The following GNA14 variants were observed in gnomAD, a reference collection of about 807,000 sequenced individuals.
GNA14 encodes the protein G protein subunit alpha 14, also known as guanine nucleotide-binding protein subunit alpha-14.
In GNA14, 50 loss-of-function variants were observed where a neutral mutation model predicts 42.0. The observed-to-expected ratio is 1.19, with a 90% CI of 0.95 to 1.51. GNA14 has a LOEUF of 1.51. Among genes scored for constraint, GNA14 ranks in the 40% most tolerant of loss-of-function variants. GNA14 has a pLI of 0.00. For synonymous variants in GNA14, 173 were observed against 163.1 expected (o/e 1.06, Z -0.46); for missense variants, 473 against 446.2 (o/e 1.06, Z -0.54).
intron 1 of GNA14, among the ~76,000 whole-genome samples, chr9:77,600,681 G>A (rs1466167601): frequency 6.6e-6 from 1 of 152,210 alleles, no homozygotes; most frequent in Non-Finnish European, 1.5e-5. Flanking sequence ...ACTTTGGGAG[G>A]CCGATGTGGT....
rs10537760 is a variant in GNA14 at position 77,469,365 on chromosome 9, TAAAAAAAAAAAAA to T, written c.310-34856_310-34844del. On this transcript the variant is annotated intron_variant, in intron 2 of 6. Transcript: ENST00000341700. ...GAATTAGTCCTAGGATAAACTGTGT[TAAAAAAAAAAAAA>T]AAAAAAAAAAGAACTTTCCAGACAA... 6.0e-5 allele frequency among the ~76,000 whole-genome samples: 7 copies of T among 116,920 alleles called. No homozygotes were observed. In the South Asian group the frequency reaches 2.1e-3, roughly 34 times the overall value. The allele number at this position is 116,920 out of a possible 152,430, so 76.7% of individuals were successfully genotyped here.
intron 1 of GNA14, among the ~76,000 whole-genome samples, chr9:77,628,285 C>G (rs748512934): frequency 2.0e-5 from 3 of 150,996 alleles, no homozygotes; most frequent in Non-Finnish European, 4.5e-5. Flanking sequence ...ACGGATAGAA[C>G]CAATAATGTG....
chr9:77,611,643 C>A (rs1269681272), intron 1 of GNA14, among the ~76,000 whole-genome samples: 2 of 152,154 alleles, frequency 1.3e-5, no homozygotes, highest in African/African-American at 4.8e-5. Context: ...AAATCTCCTC[C>A]CTTTGTATTG....
At chr9:77,640,353 CCT>C (rs1015385638) in intron 1 of GNA14, among the ~76,000 whole-genome samples, 2 of 152,068 alleles carry the variant, frequency 1.3e-5, no homozygotes, top group Admixed American at 6.6e-5. Context: ...ACTGAAAATC[CCT>C]CTCTGACTTC....
At chr9:77,600,773 G>A (rs983059287) in intron 1 of GNA14, among the ~76,000 whole-genome samples, 1 of 152,186 alleles carries the variant, frequency 6.6e-6, no homozygotes, top group Non-Finnish European at 1.5e-5. Context: ...ACAAAAATTA[G>A]CAGGGCATGG....
chr9:77,536,267 C>T (rs917403944), intron 1 of GNA14, among the ~76,000 whole-genome samples: 1 of 152,070 alleles, frequency 6.6e-6, no homozygotes, highest in East Asian at 1.9e-4. Context: ...TGACGAGGCT[C>T]AATACACAGT....
intron 2 of GNA14, among the ~76,000 whole-genome samples, chr9:77,493,700 T>A (rs1291608015): frequency 6.6e-6 from 1 of 152,198 alleles, no homozygotes; most frequent in Non-Finnish European, 1.5e-5. Context: ...GTTCTCTTTT[T>A]TTAACTGAAT....
chr9:77,645,705 C>T (rs553568873), intron 1 of GNA14, among the ~76,000 whole-genome samples: 20 of 152,168 alleles, frequency 1.3e-4, no homozygotes, highest in Non-Finnish European at 2.5e-4. Flanking sequence ...TGGGTAAATG[C>T]GAGAATTTTA....
chr9:77,479,976 T>A (rs562552889), intron 2 of GNA14, among the ~76,000 whole-genome samples: 1 of 152,316 alleles, frequency 6.6e-6, no homozygotes, highest in Non-Finnish European at 1.5e-5. Context: ...TTTCTAGGTA[T>A]ACAATCATGT....
intron 2 of GNA14, among the ~76,000 whole-genome samples, chr9:77,475,712 G>A (rs1188113551): frequency 6.6e-6 from 1 of 152,146 alleles, no homozygotes; most frequent in Non-Finnish European, 1.5e-5. Flanking sequence ...CAATCATCTA[G>A]GGCACAAAAT....
intron 2 of GNA14, among the ~76,000 whole-genome samples, chr9:77,485,021 G>C (rs1401480142): frequency 1.3e-5 from 2 of 152,130 alleles, no homozygotes; most frequent in African/African-American, 2.4e-5. Context: ...GCTAAAGGTT[G>C]AGGTGATTGT....
At chr9:77,521,537 A>G (rs369671930) in intron 2 of GNA14, among the ~76,000 whole-genome samples, 2 of 152,310 alleles carry the variant, frequency 1.3e-5, no homozygotes, top group Admixed American at 6.5e-5. Context: ...TCCTTAAGAA[A>G]TTCTCCTGGA....
intron 2 of GNA14, among the ~76,000 whole-genome samples, chr9:77,493,524 A>C (rs1001707742): frequency 1.6e-4 from 24 of 152,142 alleles, no homozygotes; most frequent in African/African-American, 5.6e-4. Context: ...ATTATATATG[A>C]GTTTATGAAC....
chr9:77,567,241 T>A (rs1257646542), intron 1 of GNA14, among the ~76,000 whole-genome samples: 1 of 152,216 alleles, frequency 6.6e-6, no homozygotes, highest in Non-Finnish European at 1.5e-5. Context: ...CCTACTCCAA[T>A]TTTCAATTTC....
At chr9:77,636,151 A>G (rs1186396295) in intron 1 of GNA14, among the ~76,000 whole-genome samples, 1 of 152,148 alleles carries the variant, frequency 6.6e-6, no homozygotes, top group East Asian at 1.9e-4. Context: ...TAATTAACAT[A>G]TTTTTCAATT....
intron 1 of GNA14, among the ~76,000 whole-genome samples, chr9:77,602,592 C>T (rs754271789): frequency 3.3e-5 from 5 of 151,928 alleles, no homozygotes; most frequent in Non-Finnish European, 5.9e-5. Context: ...TCTCCTCTCT[C>T]CTCCTCTCCA....
intron 2 of GNA14, among the ~76,000 whole-genome samples, chr9:77,514,822 C>G (rs1251500087): frequency 6.6e-6 from 1 of 152,084 alleles, no homozygotes; most frequent in East Asian, 1.9e-4. Flanking sequence ...ACCGTGTTAG[C>G]CAGGATAGTC....
chr9:77,587,532 A>C (rs1449034088), intron 1 of GNA14, among the ~76,000 whole-genome samples: 5 of 151,928 alleles, frequency 3.3e-5, no homozygotes, highest in African/African-American at 1.2e-4. Context: ...TTTGCCAAGC[A>C]AAAGAAGCCA....
At chr9:77,637,005 T>C (rs566517200) in intron 1 of GNA14, among the ~76,000 whole-genome samples, 49 of 152,346 alleles carry the variant, frequency 3.2e-4, no homozygotes, top group African/African-American at 1.2e-3. Flanking sequence ...ATTGCAGTTT[T>C]TAGGAGCACA....
Sources: gnomAD v4.1 joint callset for allele counts (sites outside exome capture counted in the v4.1 genomes callset) on GRCh38, gnomAD v4.1.1 for gene constraint, MANE v1.5 for transcripts, NCBI Gene and HGNC (gene_info 2026-07-23, HGNC 2026-07-21) for gene names.